The following DISC1 variants were observed in gnomAD, a reference collection of about 807,000 sequenced individuals.
DISC1 encodes disrupted in schizophrenia 1 protein.
DISC1 carries 57 observed loss-of-function variants against 84.5 expected under a neutral mutation model. The observed-to-expected ratio is 0.67, with a 90% CI of 0.55 to 0.84. DISC1 has a LOEUF of 0.84. Ranked by LOEUF, DISC1 falls within the 40% of genes least tolerant of loss-of-function variation. DISC1 has a pLI of 0.00. For missense variants in DISC1, 1,000 were observed against 1,057.8 expected, an observed-to-expected ratio of 0.95 and a Z score of 0.76; for synonymous variants, 411 against 415.2, an observed-to-expected ratio of 0.99 and a Z score of 0.12.
chr1:232,014,789 G>A (rs559196510), intron 11 of DISC1, among the ~76,000 whole-genome samples: 3 of 152,238 alleles, frequency 2.0e-5, no homozygotes, highest in Non-Finnish European at 4.4e-5. Context: ...AACGTTAAGA[G>A]CACTTGCAAA....
chr1:231,859,128 GTT>G (rs1379620084), intron 9 of DISC1, among the ~76,000 whole-genome samples: 2 of 152,114 alleles, frequency 1.3e-5, no homozygotes, highest in African/African-American at 4.8e-5. Context: ...ACAATACCTA[GTT>G]TCCTGTATAA....
intron 3 of DISC1, among the ~76,000 whole-genome samples, chr1:231,713,860 GAT>G (rs140221154): frequency 1.4e-5 from 2 of 144,986 alleles, no homozygotes; most frequent in Non-Finnish European, 3.0e-5. Flanking sequence ...ATATATAGGA[GAT>G]ATATATATAT....
intron 10 of DISC1, 75 bp from the exon 11 acceptor site, chr1:232,008,709 GT>G (rs1667765125): frequency 6.7e-7 from 1 of 1,485,130 alleles, no homozygotes; most frequent in Admixed American, 2.3e-5. Flanking sequence ...TTTTAGCCAG[GT>G]AGACAAGCTA....
intron 1 of DISC1, among the ~76,000 whole-genome samples, chr1:231,637,601 G>T (rs2059308593): frequency 6.6e-6 from 1 of 151,616 alleles, no homozygotes; most frequent in East Asian, 1.9e-4. Flanking sequence ...TGATATTTGT[G>T]TTTCTGTGTC....
chr1:232,007,041 G>A (rs1667543311), intron 10 of DISC1, among the ~76,000 whole-genome samples: 1 of 152,212 alleles, frequency 6.6e-6, no homozygotes, highest in Admixed American at 6.5e-5. Flanking sequence ...TGAGTGCACA[G>A]AAGTCAAGAA....
intron 10 of DISC1, among the ~76,000 whole-genome samples, chr1:231,977,880 T>G (rs977249899): frequency 6.6e-6 from 1 of 152,236 alleles, no homozygotes; most frequent in Non-Finnish European, 1.5e-5. Context: ...AGTCAGTGTT[T>G]CAGTTTTACC....
chr1:231,929,472 A>G (rs532566160), intron 9 of DISC1, among the ~76,000 whole-genome samples: 2 of 152,346 alleles, frequency 1.3e-5, no homozygotes, highest in South Asian at 2.1e-4. Flanking sequence ...GCTGTCGTCT[A>G]TTAGTCTGCC....
chr1:231,631,218 T>C (rs1412104404), intron 1 of DISC1, among the ~76,000 whole-genome samples: 3 of 152,232 alleles, frequency 2.0e-5, no homozygotes, highest in Non-Finnish European at 2.9e-5. Context: ...TACTGAGAAC[T>C]ATGTATGCAG....
At chr1:231,797,628 A>C (rs2078862422) in intron 7 of DISC1, among the ~76,000 whole-genome samples, 1 of 152,126 alleles carries the variant, frequency 6.6e-6, no homozygotes, top group Non-Finnish European at 1.5e-5. Context: ...ATCACCTCCC[A>C]AAGGCCCCAC....
intron 10 of DISC1, among the ~76,000 whole-genome samples, chr1:232,000,898 G>C (rs905127576): frequency 6.6e-6 from 1 of 152,098 alleles, no homozygotes; most frequent in African/African-American, 2.4e-5. Flanking sequence ...AAACTACCGT[G>C]TATTTGTTGT....
intron 10 of DISC1, among the ~76,000 whole-genome samples, chr1:231,971,881 C>T (rs201203716): frequency 8.9e-4 from 135 of 152,272 alleles, no homozygotes; most frequent in Non-Finnish European, 1.8e-3. Flanking sequence ...AAAAATTCCC[C>T]AGTAGAAATC....
At chr1:231,742,793 CCAGCTACTTGGG>C (rs1275655346) in intron 3 of DISC1, among the ~76,000 whole-genome samples, 1 of 152,002 alleles carries the variant, frequency 6.6e-6, no homozygotes, top group African/African-American at 2.4e-5. Context: ...GCCAGTAGTC[CCAGCTACTTGGG>C]AGGCTGAGGC....
chr1:231,825,129 T>A (rs1448790417), intron 9 of DISC1, among the ~76,000 whole-genome samples: 1 of 152,210 alleles, frequency 6.6e-6, no homozygotes, highest in Non-Finnish European at 1.5e-5. Flanking sequence ...CTTTTCCCAC[T>A]TTTATCCATA....
chr1:231,797,005 G>A (rs940355742), intron 7 of DISC1, among the ~76,000 whole-genome samples: 3 of 152,154 alleles, frequency 2.0e-5, no homozygotes, highest in East Asian at 1.9e-4. Context: ...AAGAGCCACC[G>A]CACCTGGCCT....
intron 9 of DISC1, among the ~76,000 whole-genome samples, chr1:231,904,408 G>A (rs2088460728): frequency 1.3e-5 from 2 of 152,122 alleles, no homozygotes. Context: ...TGCTGGAGAG[G>A]GGAGCTGCAA....
chr1:231,692,454 T>G (rs78765450), intron 1 of DISC1, among the ~76,000 whole-genome samples: 15,502 of 152,260 alleles, frequency 0.1, 1,733 homozygotes, highest in African/African-American at 0.28. Flanking sequence ...CCCCAGAGAT[T>G]ATCAATGCCA....
chr1:231,674,974 T>G (rs2062998779), intron 1 of DISC1, among the ~76,000 whole-genome samples: 1 of 152,232 alleles, frequency 6.6e-6, no homozygotes, highest in Admixed American at 6.5e-5. Context: ...TTTAATCCTG[T>G]CTGGTCCTTT....
At chr1:231,707,873 C>T (rs1035272171) in intron 3 of DISC1, among the ~76,000 whole-genome samples, 1 of 152,064 alleles carries the variant, frequency 6.6e-6, no homozygotes, top group Non-Finnish European at 1.5e-5. Context: ...GTCTAAAATC[C>T]CTAACATCTG....
intron 12 of DISC1, among the ~76,000 whole-genome samples, chr1:232,035,745 C>T (rs113944232): frequency 0.018 from 2,736 of 152,286 alleles, 94 homozygotes; most frequent in African/African-American, 0.062. Context: ...ACCCAACGCT[C>T]ACCCTGCATT....
Sources: allele counts gnomAD v4.1 joint callset (sites outside exome capture counted in the v4.1 genomes callset), GRCh38; gene constraint gnomAD v4.1.1; transcripts MANE v1.5; gene names NCBI Gene and HGNC (gene_info 2026-07-23, HGNC 2026-07-21).